Variants in RANBP2 observed in about 807,000 individuals in gnomAD.
The protein encoded by RANBP2 is RAN binding protein 2.
In RANBP2, 57 loss-of-function variants were observed where a neutral mutation model predicts 303.6. The ratio of observed to expected loss-of-function variants is 0.19; its 90% CI spans 0.15 to 0.23. RANBP2 has a LOEUF of 0.23. RANBP2 is among the 10% of genes least tolerant of loss of function. The probability of loss-of-function intolerance (pLI) is 1.00; values close to 1 mark genes in which losing one functional copy is unlikely to be tolerated. For synonymous variants in RANBP2, 1,167 were observed against 1,301.5 expected (o/e 0.90, Z 2.23); for missense variants, 3,138 against 3,780.8 (o/e 0.83, Z 4.46).
At chr2:109,415,061 C>T in the RANBP2 span, among the ~76,000 whole-genome samples, 2 of 152,136 alleles carry the variant, frequency 1.3e-5, no homozygotes, top group Admixed American at 1.3e-4. Flanking sequence ...GAAGCAGAGG[C>T]TAGAGAGAGG....
At chr2:108,976,455 G>T in the RANBP2 span, among the ~76,000 whole-genome samples, 1 of 152,174 alleles carries the variant, frequency 6.6e-6, no homozygotes, top group African/African-American at 2.4e-5. Flanking sequence ...TGACTGGCAG[G>T]ATTCCCCACT....
chr2:108,930,210 G>A, the RANBP2 span: 7 of 1,614,032 alleles, frequency 4.3e-6, no homozygotes, highest in African/African-American at 4.0e-5. Context: ...CGCAGTTTGA[G>A]TATTCCGCTC....
chr2:109,168,567 A>G, the RANBP2 span, among the ~76,000 whole-genome samples: 29 of 152,288 alleles, frequency 1.9e-4, no homozygotes, highest in Middle Eastern at 3.4e-3. Flanking sequence ...CCTACTTCTA[A>G]TCTTCGGACT....
the RANBP2 span, among the ~76,000 whole-genome samples, chr2:109,397,635 C>T: frequency 6.6e-6 from 1 of 152,120 alleles, no homozygotes; most frequent in Non-Finnish European, 1.5e-5. Context: ...TAACTGAGGC[C>T]CTGAGGACCA....
chr2:109,090,038 A>C, the RANBP2 span, among the ~76,000 whole-genome samples: 1 of 152,122 alleles, frequency 6.6e-6, no homozygotes, highest in South Asian at 2.1e-4. Context: ...TTGCCCTCTC[A>C]TAATAAGAGA....
At chr2:109,432,760 C>A in the RANBP2 span, 1 of 1,471,198 alleles carries the variant, frequency 6.8e-7, no homozygotes, top group South Asian at 1.4e-5. Flanking sequence ...GCTACTCTGT[C>A]AGCCGGGCCC....
chr2:109,006,069 C>T, the RANBP2 span, among the ~76,000 whole-genome samples: 1 of 152,220 alleles, frequency 6.6e-6, no homozygotes, highest in Non-Finnish European at 1.5e-5. Context: ...GGCCCACCGG[C>T]AGTCACGTGG....
the RANBP2 span, among the ~76,000 whole-genome samples, chr2:109,495,460 CTGAA>C: frequency 3.5e-5 from 5 of 143,842 alleles, no homozygotes; most frequent in Non-Finnish European, 4.5e-5. Flanking sequence ...CCATTTCATC[CTGAA>C]TATCTTTCAT....
the RANBP2 span, among the ~76,000 whole-genome samples, chr2:109,316,733 G>A: frequency 5.3e-5 from 8 of 152,248 alleles, no homozygotes; most frequent in East Asian, 1.2e-3. Flanking sequence ...TCTATAATGC[G>A]ATGTATCCAC....
chr2:108,977,491 C>T, the RANBP2 span, among the ~76,000 whole-genome samples: 5 of 152,106 alleles, frequency 3.3e-5, no homozygotes, highest in Admixed American at 1.3e-4. Flanking sequence ...AGGATGGTCT[C>T]GATCTCCTGA....
At position 108,765,254 on chromosome 2, in the gene RANBP2, C is replaced by T; in HGVS notation, c.4715C>T (p.Pro1572Leu). The T allele has an allele frequency of 2.5e-6, 4 of 1,612,454 alleles. No homozygotes were observed. The highest frequency in any genetic ancestry group is 3.4e-6 in the Non-Finnish European group (4 of 1,179,554). Residue 1572 changes from proline (P) to leucine (L), a missense_variant, in exon 20 of 29, where the codon CCA (proline) becomes CTA (leucine). Physicochemically the swap from Pro to Leu is moderately conservative, Grantham distance 98. Coordinates refer to ENST00000283195, the MANE Select transcript of RANBP2 (RefSeq NM_006267.5). ...RCVACQNPDK[P>L]SPSTSVPAPA... The stretch of plus-strand genomic sequence containing the variant: ...GTTGCTTGTCAGAATCCGGATAAAC[C>T]AAGTCCATCTACTTCTGTTCCAGCT...
At chr2:108,807,080 A>G in the RANBP2 span, among the ~76,000 whole-genome samples, 1 of 152,226 alleles carries the variant, frequency 6.6e-6, no homozygotes, top group Non-Finnish European at 1.5e-5. Flanking sequence ...ATTCTATACA[A>G]AATTAATAAG....
chr2:109,144,796 G>A, the RANBP2 span, among the ~76,000 whole-genome samples: 1 of 152,238 alleles, frequency 6.6e-6, no homozygotes, highest in Admixed American at 6.5e-5. Flanking sequence ...TGGAGCCTGA[G>A]CCACAGCAGA....
chr2:108,907,871 T>C, the RANBP2 span: 1 of 1,613,570 alleles, frequency 6.2e-7, no homozygotes, highest in Admixed American at 1.7e-5. Flanking sequence ...CCGGCTGACT[T>C]GTTGCTGGTG....
At chr2:109,350,609 C>T in the RANBP2 span, among the ~76,000 whole-genome samples, 1 of 152,212 alleles carries the variant, frequency 6.6e-6, no homozygotes, top group African/African-American at 2.4e-5. Flanking sequence ...CAAATAAAGG[C>T]TCCAAGAGAC....
At chr2:109,680,716 G>A in the RANBP2 span, among the ~76,000 whole-genome samples, 8 of 152,204 alleles carry the variant, frequency 5.3e-5, no homozygotes, top group South Asian at 1.7e-3. Flanking sequence ...CCTTTTTTCA[G>A]ACCTTTCCTG....
the RANBP2 span, chr2:109,419,451 C>T: frequency 1.9e-5 from 26 of 1,350,890 alleles, no homozygotes; most frequent in Admixed American, 4.1e-4. Flanking sequence ...AGCACAGGCA[C>T]CTGTGGATGC....
the RANBP2 span, among the ~76,000 whole-genome samples, chr2:109,016,925 C>A: frequency 1.2e-4 from 18 of 152,166 alleles, no homozygotes; most frequent in African/African-American, 4.3e-4. Context: ...TTCCCACTGC[C>A]CCCTATGGAA....
chr2:109,615,428 C>A, the RANBP2 span: 1 of 1,613,100 alleles, frequency 6.2e-7, no homozygotes, highest in South Asian at 1.1e-5. Flanking sequence ...CCAAGCACGG[C>A]AGGCAGGAGC....
Sources: gnomAD v4.1 joint callset for allele counts (sites outside exome capture counted in the v4.1 genomes callset) on GRCh38, gnomAD v4.1.1 for gene constraint, MANE v1.5 for transcripts, NCBI Gene and HGNC (gene_info 2026-07-23, HGNC 2026-07-21) for gene names.